The following RFX3 variants were observed in gnomAD, a reference collection of about 807,000 sequenced individuals.
The protein encoded by RFX3 is regulatory factor X3.
RFX3 carries 14 observed loss-of-function variants against 98.6 expected under a neutral mutation model. The observed-to-expected ratio is 0.14, with a 90% confidence interval of 0.09 to 0.22. The LOEUF (loss-of-function observed/expected upper bound fraction) is 0.22. RFX3 is among the 10% of genes least tolerant of loss of function. RFX3 has a pLI of 1.00. For missense variants in RFX3, 639 were observed against 926.9 expected (o/e 0.69, Z 4.03); for synonymous variants, 383 against 328.4 (o/e 1.17, Z -1.80).
intron 1 of RFX3, among the ~76,000 whole-genome samples, chr9:3,491,924 G>A (rs1850751298): frequency 6.6e-6 from 1 of 152,164 alleles, no homozygotes. Flanking sequence ...ATAGTTTACA[G>A]ATGACCATGC....
Position 3,270,387 on chromosome 9 carries a change from G to A in RFX3, c.1341C>T (p.Val447=), listed in dbSNP as rs376826662. ...TTAACTTACTAGGAATAGGTCTAAGGACGTCGGGGATGAGAATCTCCACCA... is the reference window on the plus strand; with the variant it reads ...TTAACTTACTAGGAATAGGTCTAAGAACGTCGGGGATGAGAATCTCCACCA... The part of the protein sequence containing the change: ...QALVEILIPD[V]LRPIPSALTQ... Residue 447 remains valine (V), a synonymous_variant, in exon 11 of 17, where the codon GTC becomes GTT. Transcript: ENST00000617270. 1.2e-5 allele frequency: 20 copies of A among 1,613,444 alleles called. No individual in the cohort carries two copies. Among genetic ancestry groups the A allele is most frequent in the Non-Finnish European group, 1.7e-5 (20 of 1,179,708 alleles).
At position 3,426,680 on chromosome 9, in the gene RFX3, C is replaced by T. The variant is rs146555150; in HGVS notation, c.-8-31084G>A. 8.5e-5 allele frequency among the ~76,000 whole-genome samples: 13 copies of T among 152,220 alleles called. No homozygotes were observed. In the East Asian group the frequency reaches 1.7e-3, roughly 20 times the overall value. ...CAAACCCTGTTGTGAACTGCCCATG[C>T]GAGGGATCTAGGTTGCATGTTTCTT... On this transcript the variant is annotated intron_variant, in intron 1 of 16. Coordinates refer to ENST00000617270, the MANE Select transcript of RFX3 (RefSeq NM_001282116.2).
intron 4 of RFX3, among the ~76,000 whole-genome samples, chr9:3,302,475 T>C (rs1330062421): frequency 6.6e-6 from 1 of 151,756 alleles, no homozygotes; most frequent in Non-Finnish European, 1.5e-5. Flanking sequence ...TAAAAACAGG[T>C]ACTGAACACC....
intron 1 of RFX3, among the ~76,000 whole-genome samples, chr9:3,457,493 C>A (rs1171731416): frequency 6.6e-6 from 1 of 152,096 alleles, no homozygotes; most frequent in Non-Finnish European, 1.5e-5. Flanking sequence ...AAATTAAAAA[C>A]CCAGGAGTTC....
At chr9:3,392,381 T>C (rs1840403756) in intron 2 of RFX3, among the ~76,000 whole-genome samples, 2 of 149,656 alleles carry the variant, frequency 1.3e-5, no homozygotes, top group South Asian at 2.1e-4. Flanking sequence ...AAGAAAACCA[T>C]GAATTAAAAC....
chr9:3,316,653 A>T (rs1361866156), intron 4 of RFX3, among the ~76,000 whole-genome samples: 1 of 152,222 alleles, frequency 6.6e-6, no homozygotes, highest in African/African-American at 2.4e-5. Context: ...AAATCTCCTT[A>T]AGCTGATAAG....
At chr9:3,277,200 T>C (rs1825340870) in intron 8 of RFX3, 140 bp downstream of exon 8, 1 of 729,610 alleles carries the variant, frequency 1.4e-6, no homozygotes. Context: ...CTAGGACTGT[T>C]ATACATATGA....
At chr9:3,417,879 A>G (rs1843109860) in intron 1 of RFX3, among the ~76,000 whole-genome samples, 2 of 152,182 alleles carry the variant, frequency 1.3e-5, no homozygotes, top group Non-Finnish European at 2.9e-5. Context: ...AATAAGGTTT[A>G]TAATAGCAAG....
intron 1 of RFX3, among the ~76,000 whole-genome samples, chr9:3,461,328 T>C (rs1451151448): frequency 1.3e-5 from 2 of 151,934 alleles, no homozygotes; most frequent in African/African-American, 4.8e-5. Flanking sequence ...ACAGATACCG[T>C]GTTAGATGGT....
chr9:3,230,081 C>G (rs531269), intron 15 of RFX3, among the ~76,000 whole-genome samples: 118,426 of 152,088 alleles, frequency 0.78, 48,970 homozygotes, highest in East Asian at 0.97. Context: ...AAACAACACT[C>G]CAGATTTTAT....
chr9:3,433,598 C>G (rs1289338029), intron 1 of RFX3, among the ~76,000 whole-genome samples: 4 of 152,170 alleles, frequency 2.6e-5, no homozygotes, highest in African/African-American at 9.7e-5. Flanking sequence ...GTTGCCACCC[C>G]AAACCACTAC....
chr9:3,451,373 C>T (rs1846611649), intron 1 of RFX3, among the ~76,000 whole-genome samples: 1 of 152,028 alleles, frequency 6.6e-6, no homozygotes, highest in Non-Finnish European at 1.5e-5. Flanking sequence ...TGGTGAAACC[C>T]CATCTCTCAA....
intron 7 of RFX3, among the ~76,000 whole-genome samples, chr9:3,280,678 A>T (rs1369558264): frequency 6.6e-6 from 1 of 151,772 alleles, no homozygotes; most frequent in Non-Finnish European, 1.5e-5. Flanking sequence ...TTGAAATCTA[A>T]GTGCATATCA....
chr9:3,417,190 C>G (rs576500480), intron 1 of RFX3, among the ~76,000 whole-genome samples: 7 of 151,780 alleles, frequency 4.6e-5, no homozygotes, highest in Admixed American at 1.3e-4. Context: ...GTCAGAACTC[C>G]AATATACATA....
chr9:3,339,340 CATT>C (rs1197072336), intron 3 of RFX3, among the ~76,000 whole-genome samples: 5 of 152,034 alleles, frequency 3.3e-5, no homozygotes, highest in African/African-American at 1.2e-4. Flanking sequence ...GCAGAAATGG[CATT>C]ATAAAAGATT....
intron 15 of RFX3, among the ~76,000 whole-genome samples, chr9:3,235,058 T>C (rs1434393906): frequency 6.6e-6 from 1 of 152,232 alleles, no homozygotes; most frequent in African/African-American, 2.4e-5. Context: ...AAGCTGGTGT[T>C]TAATTGTACG....
chr9:3,525,939 A>G lies in RFX3; in HGVS notation c.-201T>C, dbSNP rs987930315. On this transcript the variant is annotated 5_prime_UTR_variant, in exon 1 of 17. Transcript: ENST00000617270. ...TATAACTCACAAAAGAGAGAGAGAG[A>G]GGGAGAGAGAGAGAGAGCGAGAGGG... 829 of 824,044 alleles carry G rather than the reference A, an allele frequency of 1.0e-3. 4 individuals carry two copies. The African/African-American group carries it at 0.016, about 16-fold the overall frequency. The allele number at this position is 824,044 out of a possible 1,614,324, so 51.0% of individuals were successfully genotyped here. A position where few individuals can be genotyped will look rare whatever the true frequency, so the allele number is the denominator to read the frequency against.
intron 1 of RFX3, among the ~76,000 whole-genome samples, chr9:3,434,872 G>C (rs1053173000): frequency 6.6e-6 from 1 of 151,990 alleles, no homozygotes; most frequent in African/African-American, 2.4e-5. Context: ...CACAAACCTA[G>C]ATGGTACAGC....
intron 3 of RFX3, among the ~76,000 whole-genome samples, chr9:3,346,442 T>G (rs1052476717): frequency 2.0e-5 from 3 of 152,154 alleles, no homozygotes; most frequent in African/African-American, 7.2e-5. Flanking sequence ...GCATAAGACT[T>G]TAAATAATTT....
Sources: allele counts gnomAD v4.1 joint callset (sites outside exome capture counted in the v4.1 genomes callset), GRCh38; gene constraint gnomAD v4.1.1; transcripts MANE v1.5; gene names NCBI Gene and HGNC (gene_info 2026-07-23, HGNC 2026-07-21).